The following MCTP2 variants were observed in gnomAD, a reference collection of about 807,000 sequenced individuals.
MCTP2 encodes the protein multiple C2 and transmembrane domain containing 2, also known as multiple C2 and transmembrane domain-containing protein 2.
In MCTP2, 132 loss-of-function variants were observed where a neutral mutation model predicts 111.6. The observed-to-expected ratio is 1.18, with a 90% confidence interval of 1.03 to 1.37. The LOEUF (loss-of-function observed/expected upper bound fraction) is 1.37, where lower values mean the gene tolerates loss of function less well. Among genes scored for constraint, MCTP2 ranks in the 40% most tolerant of loss-of-function variants. MCTP2 has a pLI of 0.00. For missense variants in MCTP2, 1,183 were observed against 1,067.9 expected (o/e 1.11, Z -1.50); for synonymous variants, 395 against 387.7 (o/e 1.02, Z -0.22).
intron 1 of MCTP2, among the ~76,000 whole-genome samples, chr15:94,291,017 A>G (rs918999662): frequency 6.6e-6 from 1 of 152,252 alleles, no homozygotes; most frequent in Non-Finnish European, 1.5e-5. Flanking sequence ...CTGAACTATC[A>G]ACCAACTGAA....
At chr15:94,355,976 G>A in intron 8 of MCTP2, 161 bp from the exon 9 acceptor site, 1 of 1,296,546 alleles carries the variant, frequency 7.7e-7, no homozygotes, top group Non-Finnish European at 9.8e-7. Context: ...TCACATAACT[G>A]TGACAGCAGG....
In MCTP2 at chr15:94,480,081, CCA is replaced by C. The variant is rs1036574483; in HGVS notation, c.*1048_*1049del. The C allele has an allele frequency of 1.9e-4, 29 of 152,210 alleles. No homozygotes were observed. The highest frequency in any genetic ancestry group is 7.0e-4 in the African/African-American group (29 of 41,544). The allele number at this position is 152,210 out of a possible 1,614,324, so 9.4% of individuals were successfully genotyped here. On this transcript the variant is annotated 3_prime_UTR_variant, in exon 23 of 23. Coordinates refer to ENST00000357742, the MANE Select transcript of MCTP2 (RefSeq NM_001385001.1). ...AACCCCATTTCTAGAAAATACCACC[CCA>C]GAGTCCTCATTTGATAGCATCTGTC...
intron 1 of MCTP2, among the ~76,000 whole-genome samples, chr15:94,288,573 A>G (rs1360116752): frequency 1.3e-5 from 2 of 152,244 alleles, no homozygotes; most frequent in African/African-American, 2.4e-5. Flanking sequence ...TCCTAAAACA[A>G]TGATATCAGC....
chr15:94,415,645 C>T (rs533345719), intron 17 of MCTP2, among the ~76,000 whole-genome samples: 12 of 151,434 alleles, frequency 7.9e-5, no homozygotes, highest in South Asian at 6.3e-4. Context: ...CCCAACCTCA[C>T]CCCTCCCAAC....
At chr15:94,274,652 A>G (rs191638423) in intron 1 of MCTP2, among the ~76,000 whole-genome samples, 1 of 152,170 alleles carries the variant, frequency 6.6e-6, no homozygotes, top group East Asian at 1.9e-4. Context: ...AACAGCAAAC[A>G]TAACAAAACT....
intron 1 of MCTP2, among the ~76,000 whole-genome samples, chr15:94,253,466 T>C (rs1388653228): frequency 6.6e-6 from 1 of 152,154 alleles, no homozygotes; most frequent in Admixed American, 6.5e-5. Context: ...AAATTCAGCT[T>C]CTCAGTCCCT....
intron 14 of MCTP2, among the ~76,000 whole-genome samples, chr15:94,392,928 T>A (rs2081075658): frequency 1.3e-5 from 2 of 152,206 alleles, no homozygotes; most frequent in South Asian, 2.1e-4. Flanking sequence ...TGCATAGGAT[T>A]GTTTGGAAAA....
At chr15:94,446,728 A>G (rs897190114) in intron 19 of MCTP2, among the ~76,000 whole-genome samples, 1 of 152,244 alleles carries the variant, frequency 6.6e-6, no homozygotes, top group Non-Finnish European at 1.5e-5. Flanking sequence ...GCTTAATGCT[A>G]TCAAAAAGAA....
intron 14 of MCTP2, among the ~76,000 whole-genome samples, chr15:94,390,592 C>A (rs1335983629): frequency 5.3e-5 from 8 of 151,954 alleles, no homozygotes; most frequent in Non-Finnish European, 8.8e-5. Flanking sequence ...CCCAATGGAC[C>A]CATTTCAGAA....
intron 1 of MCTP2, among the ~76,000 whole-genome samples, chr15:94,297,800 G>A (rs994611405): frequency 1.3e-5 from 2 of 152,134 alleles, no homozygotes; most frequent in Non-Finnish European, 1.5e-5. Context: ...GTTGACCTCC[G>A]GTTTAGAGAA....
chr15:94,421,667 C>T (rs1043894349), intron 17 of MCTP2, among the ~76,000 whole-genome samples: 6 of 152,192 alleles, frequency 3.9e-5, no homozygotes, highest in Admixed American at 3.3e-4. Flanking sequence ...TTTCTGCCCT[C>T]ATGTCTTTTC....
chr15:94,398,319 G>A lies in MCTP2; in HGVS notation c.1789-642G>A, dbSNP rs8025275. Among the ~76,000 whole-genome samples, 280 of 152,212 alleles carry A rather than the reference G, an allele frequency of 1.8e-3. 1 individual carries two copies. The highest frequency in any genetic ancestry group is 2.8e-3 in the Non-Finnish European group (190 of 68,004). ...TCATTTCTGTTAAAAATAACATTTT[G>A]GGGGGAATACTTTTAGATTTACAGA... On this transcript the variant is annotated intron_variant, in intron 14 of 22. Coordinates refer to ENST00000357742, the MANE Select transcript of MCTP2 (RefSeq NM_001385001.1).
In MCTP2 at chr15:94,275,043, A is replaced by G. The variant is rs2074114913; in HGVS notation, c.-65-23158A>G. Among the ~76,000 whole-genome samples the G allele has an allele frequency of 2.0e-5, 3 of 152,202 alleles. No individual in the cohort carries two copies. In the South Asian group the frequency reaches 6.2e-4, roughly 31 times the overall value. ...CAGATCAGTATAGTTTCTCACATTA[A>G]CAGAAAAGGAGGAAATCATATGATC... On this transcript the variant is annotated intron_variant, in intron 1 of 22. Transcript: ENST00000357742.
At chr15:94,454,965 C>T (rs917140255) in intron 19 of MCTP2, among the ~76,000 whole-genome samples, 3 of 152,156 alleles carry the variant, frequency 2.0e-5, no homozygotes, top group Non-Finnish European at 2.9e-5. Context: ...GGATTACAGG[C>T]ATGTGCCACC....
intron 1 of MCTP2, among the ~76,000 whole-genome samples, chr15:94,268,298 A>G (rs901747935): frequency 1.7e-4 from 26 of 149,858 alleles, no homozygotes; most frequent in Non-Finnish European, 3.1e-4. Context: ...CTCCTGCCTC[A>G]GCCTCCTGAG....
At position 94,464,246 on chromosome 15, in the gene MCTP2, A is replaced by AT. The variant is rs1555481356; in HGVS notation, c.2360+6001dup. On this transcript the variant is annotated intron_variant, in intron 20 of 22. Transcript: ENST00000357742. ...TTATATGTTTATATATATAATATAT[A>AT]TATATATATATTATATATATATATA... Among the ~76,000 whole-genome samples, 19 of 60,370 alleles carry AT rather than the reference A, an allele frequency of 3.1e-4. 2 individuals carry two copies. The highest frequency in any genetic ancestry group is 5.1e-4 in the Non-Finnish European group (15 of 29,338). 39.6% of individuals were successfully genotyped at this position (60,370 alleles called of 152,430 possible).
intron 2 of MCTP2, among the ~76,000 whole-genome samples, chr15:94,299,460 C>G (rs1360230573): frequency 1.3e-5 from 2 of 152,094 alleles, no homozygotes; most frequent in African/African-American, 4.8e-5. Flanking sequence ...CTATTTTATA[C>G]CTGTGTGTGC....
At chr15:94,247,405 A>T (rs916590408) in intron 1 of MCTP2, among the ~76,000 whole-genome samples, 3 of 152,152 alleles carry the variant, frequency 2.0e-5, no homozygotes, top group Admixed American at 2.0e-4. Flanking sequence ...GAGGGGACAG[A>T]GAGCTGGGCT....
At chr15:94,346,287 TTAAAA>T (rs1405468261) in intron 8 of MCTP2, among the ~76,000 whole-genome samples, 2 of 152,192 alleles carry the variant, frequency 1.3e-5, no homozygotes, top group Admixed American at 6.5e-5. Flanking sequence ...TATGAACACT[TTAAAA>T]TAATTCTCAT....
Sources: allele counts gnomAD v4.1 joint callset (sites outside exome capture counted in the v4.1 genomes callset), GRCh38; gene constraint gnomAD v4.1.1; transcripts MANE v1.5; gene names NCBI Gene and HGNC (gene_info 2026-07-23, HGNC 2026-07-21).